The following FBXL5 variants were observed in gnomAD, a reference collection of about 807,000 sequenced individuals.
The protein encoded by FBXL5 is F-box/LRR-repeat protein 5.
FBXL5 carries 26 observed loss-of-function variants against 78.3 expected under a neutral mutation model. The observed-to-expected ratio is 0.33, with a 90% CI of 0.24 to 0.46. The LOEUF (loss-of-function observed/expected upper bound fraction) is 0.46. FBXL5 is among the 20% of genes least tolerant of loss of function. The pLI is 1.00. For synonymous variants in FBXL5, 295 were observed against 282.5 expected, an observed-to-expected ratio of 1.04 and a Z score of -0.45; for missense variants, 710 against 829.2, an observed-to-expected ratio of 0.86 and a Z score of 1.77.
intron 1 of FBXL5, among the ~76,000 whole-genome samples, chr4:15,646,852 A>G (rs554876020): frequency 1.3e-5 from 2 of 151,992 alleles, no homozygotes; most frequent in Admixed American, 6.6e-5. Context: ...CAGCTTCTAG[A>G]TATTATTTTT....
In FBXL5 at chr4:15,630,771, C is replaced by A; in HGVS notation, c.787G>T (p.Ala263Ser). Residue 263 changes from alanine to serine, a missense_variant, in exon 6 of 11, where the codon GCA becomes TCA. Around this residue, in one of 4 missense-constraint regions of FBXL5, gnomAD observed 517 missense variants for 542.9 expected, o/e 0.95. Coordinates refer to ENST00000341285, the MANE Select transcript of FBXL5 (RefSeq NM_012161.4). ...TCAGGTTCAGTATCAAGTTCAGTTG[C>A]GGGACCACTATACCAGTCACCTACT... is the stretch of plus-strand genomic sequence containing the variant. ...WARGDWYSGP[A>S]TELDTEPDDE... 2 of 1,612,890 alleles carry A rather than the reference C, an allele frequency of 1.2e-6. No homozygotes were observed. Among genetic ancestry groups the A allele is most frequent in the Non-Finnish European group, 8.5e-7 (1 of 1,179,594 alleles).
chr4:15,620,386 A>G (rs1034424702), intron 9 of FBXL5, among the ~76,000 whole-genome samples: 1 of 152,196 alleles, frequency 6.6e-6, no homozygotes, highest in Admixed American at 6.5e-5. Flanking sequence ...TGCAATCCCT[A>G]TCAAAATCTC....
rs893663843 is a variant in FBXL5 at position 15,604,814 on chromosome 4, C to G, written c.*909G>C. Reference sequence around the variant, plus strand: ...TAACAAAGCAAAGTAGATATACTTACGGATTCAAATTTTGACTACTGAATA... The same window carrying G: ...TAACAAAGCAAAGTAGATATACTTAGGGATTCAAATTTTGACTACTGAATA... On this transcript the variant is annotated 3_prime_UTR_variant, in exon 11 of 11. Coordinates refer to ENST00000341285, the MANE Select transcript of FBXL5 (RefSeq NM_012161.4). The G allele has an allele frequency of 6.6e-6, 1 of 152,150 alleles. No homozygotes were observed. Among genetic ancestry groups the G allele is most frequent in the Non-Finnish European group, 1.5e-5 (1 of 68,022 alleles). The allele number at this position is 152,150 out of a possible 1,614,324, so 9.4% of individuals were successfully genotyped here.
At chr4:15,635,763 A>AG (rs1222145522) in intron 5 of FBXL5, among the ~76,000 whole-genome samples, 33 of 150,128 alleles carry the variant, frequency 2.2e-4, no homozygotes, top group Non-Finnish European at 3.7e-4. Context: ...CAAAAAAAGA[A>AG]AAAAAAAAAA....
intron 1 of FBXL5, among the ~76,000 whole-genome samples, chr4:15,653,785 T>C (rs1010572161): frequency 2.6e-5 from 4 of 152,232 alleles, no homozygotes; most frequent in Admixed American, 2.6e-4. Context: ...CCATTCCTCA[T>C]GCTTCTCCTA....
intron 2 of FBXL5, among the ~76,000 whole-genome samples, chr4:15,641,987 C>T (rs1488464898): frequency 6.6e-6 from 1 of 151,628 alleles, no homozygotes; most frequent in Admixed American, 6.6e-5. Context: ...GAGATTGCAC[C>T]ACTGCACCTC....
chr4:15,678,056 G>A (rs1409238833), intron 1 of FBXL5, among the ~76,000 whole-genome samples: 1 of 151,892 alleles, frequency 6.6e-6, no homozygotes, highest in Non-Finnish European at 1.5e-5. Flanking sequence ...TGGGCGGGTG[G>A]GTGTGTTTCA....
At chr4:15,654,534 C>T (rs1716580490) in intron 1 of FBXL5, among the ~76,000 whole-genome samples, 1 of 152,184 alleles carries the variant, frequency 6.6e-6, no homozygotes. Context: ...ACAAAATCTA[C>T]ATCCAGTAAG....
In FBXL5 at chr4:15,630,782, T is replaced by A; in HGVS notation, c.776A>T (p.Tyr259Phe). ...YPVHWARGDW[Y>F]SGPATELDTE... ...ATCAAGTTCAGTTGCGGGACCACTA[T>A]ACCAGTCACCTACTCAATGAATAAA... The change falls in exon 6 of 11, where the codon TAT becomes TTT. Residue 259 changes from tyrosine to phenylalanine, a missense_variant. This residue lies in a region of FBXL5 where 517 missense variants were observed against 542.9 expected (regional missense o/e 0.95). Transcript: ENST00000341285. 6.2e-7 allele frequency: 1 copy of A among 1,613,216 alleles called. No individual in the cohort carries two copies. Among genetic ancestry groups the A allele is most frequent in the Non-Finnish European group, 8.5e-7 (1 of 1,179,662 alleles).
At chr4:15,643,498 A>G (rs1183122616) in intron 2 of FBXL5, among the ~76,000 whole-genome samples, 1 of 152,120 alleles carries the variant, frequency 6.6e-6, no homozygotes, top group Non-Finnish European at 1.5e-5. Flanking sequence ...GCTCACTGCA[A>G]CCTCCGCCTC....
intron 5 of FBXL5, among the ~76,000 whole-genome samples, chr4:15,631,487 C>T (rs1367418262): frequency 2.0e-5 from 3 of 152,182 alleles, no homozygotes; most frequent in Non-Finnish European, 4.4e-5. Flanking sequence ...CTTAAGGAAT[C>T]GCCACACTGT....
chr4:15,655,312 A>G lies in FBXL5; in HGVS notation c.-25T>C, dbSNP rs1716759063. The G allele has an allele frequency of 2.9e-6, 4 of 1,371,612 alleles. No homozygotes were observed. Among genetic ancestry groups the G allele is most frequent in the Non-Finnish European group, 3.9e-6 (4 of 1,036,250 alleles). The allele number at this position is 1,371,612 out of a possible 1,614,324, so 85.0% of individuals were successfully genotyped here. A position where few individuals can be genotyped will look rare whatever the true frequency, so the allele number is the denominator to read the frequency against. On this transcript the variant is annotated 5_prime_UTR_variant, in exon 1 of 11. Coordinates refer to ENST00000341285, the MANE Select transcript of FBXL5 (RefSeq NM_012161.4). ...TCGCCACTGCCTCAGCCTCCGCCTC[A>G]GCAGCCGCGGCCGCCGCCTCTCCAT...
upstream of FBXL5, among the ~76,000 whole-genome samples, chr4:15,656,579 C>A (rs552973115): frequency 2.9e-4 from 44 of 152,288 alleles, no homozygotes; most frequent in African/African-American, 1.0e-3. Flanking sequence ...CTATTTAGTT[C>A]TAATCTTATA....
intron 9 of FBXL5, among the ~76,000 whole-genome samples, chr4:15,617,526 AGAGT>A (rs1712027196): frequency 6.8e-6 from 1 of 147,728 alleles, no homozygotes; most frequent in South Asian, 2.2e-4. Context: ...CCAGCCCAAC[AGAGT>A]GAGACTCCAT....
Position 15,605,749 on chromosome 4 carries a change from G to A in FBXL5, c.2050C>T (p.Arg684Ter), listed in dbSNP as rs769570035. The change falls in exon 11 of 11, where the codon CGA becomes TGA. Residue 684 changes from arginine to a stop codon, truncating the protein, a stop_gained. Transcript: ENST00000341285. LOFTEE classifies it high-confidence loss of function. ...SGCQNLQCGF[R>*]ACCRSGE is the part of the protein sequence containing the mutation. ...CATTCGCCAGAGCGGCAGCAGGCTCGAAAACCACACTGCAAATTCTGGCAT... is the reference window on the plus strand; with the variant it reads ...CATTCGCCAGAGCGGCAGCAGGCTCAAAAACCACACTGCAAATTCTGGCAT... The A allele has an allele frequency of 6.2e-7, 1 of 1,613,610 alleles. No homozygotes were observed. Among genetic ancestry groups the A allele is most frequent in the Non-Finnish European group, 8.5e-7 (1 of 1,179,736 alleles).
chr4:15,610,705 C>T (rs2148518841), intron 10 of FBXL5, among the ~76,000 whole-genome samples: 1 of 152,030 alleles, frequency 6.6e-6, no homozygotes, highest in East Asian at 1.9e-4. Flanking sequence ...AACCCAGTCC[C>T]CTCCCTCTAC....
At chr4:15,615,907 T>C (rs1711808961) in intron 9 of FBXL5, among the ~76,000 whole-genome samples, 2 of 152,092 alleles carry the variant, frequency 1.3e-5, no homozygotes, top group East Asian at 1.9e-4. Flanking sequence ...GGAAGCTTTG[T>C]TCTTTCGCTC....
At chr4:15,654,489 T>C (rs1242754382) in intron 1 of FBXL5, among the ~76,000 whole-genome samples, 2 of 152,170 alleles carry the variant, frequency 1.3e-5, no homozygotes, top group African/African-American at 2.4e-5. Flanking sequence ...TTCGAGCTCA[T>C]ATAAAGAAAT....
Position 15,625,398 on chromosome 4 carries a change from T to A in FBXL5, c.1704A>T (p.Ala568=), listed in dbSNP as rs1712933775. 2 of 1,614,188 alleles carry A rather than the reference T, an allele frequency of 1.2e-6. No individual in the cohort carries two copies. The highest frequency in any genetic ancestry group is 1.7e-6 in the Non-Finnish European group (2 of 1,180,032). Residue 568 remains alanine (A), a synonymous_variant, in exon 9 of 11, where the codon GCA becomes GCT. Transcript: ENST00000341285. ...RTMSSLPESS[A]MCRKAARTRL... is the part of the protein sequence containing the mutation. ...TAGTCCTTGCTGCTTTTCTACACAT[T>A]GCAGAAGATTCTGGGAGTGATGACA...
Sources: allele counts gnomAD v4.1 joint callset (sites outside exome capture counted in the v4.1 genomes callset), GRCh38; gene constraint gnomAD v4.1.1; regional missense constraint gnomAD v4.1.1; transcripts MANE v1.5; gene names NCBI Gene and HGNC (gene_info 2026-07-23, HGNC 2026-07-21).